JMJD1C: variants seen among roughly 807,000 people sequenced by gnomAD.
JMJD1C encodes the protein jumonji domain-containing protein 1C.
Under a neutral mutation model 245.3 loss-of-function variants are expected in JMJD1C, and 31 were observed. That is an observed-to-expected ratio of 0.13 (90% CI 0.09 to 0.17). The LOEUF (loss-of-function observed/expected upper bound fraction) is 0.17. Ranked by LOEUF, JMJD1C falls within the 10% of genes least tolerant of loss-of-function variation. JMJD1C has a pLI of 1.00. For missense variants in JMJD1C, 2,691 were observed against 3,000.2 expected (o/e 0.90, Z 2.41); for synonymous variants, 1,057 against 1,017.4 (o/e 1.04, Z -0.74).
intron 1 of JMJD1C, among the ~76,000 whole-genome samples, chr10:63,386,484 G>A (rs549929418): frequency 7.9e-5 from 12 of 152,306 alleles, no homozygotes; most frequent in East Asian, 1.9e-4. Flanking sequence ...ACCTGAGGAC[G>A]GGTCTGCTCA....
At chr10:63,521,660 A>C in intron 1 of JMJD1C, 1 of 1,082,432 alleles carries the variant, frequency 9.2e-7, no homozygotes, top group Non-Finnish European at 1.2e-6. Flanking sequence ...AGGAAAGGGA[A>C]GGCCTGGGCC....
Position 63,190,885 on chromosome 10 carries a change from A to C in JMJD1C, c.6291+9T>G. 6.2e-7 allele frequency: 1 copy of C among 1,612,504 alleles called. No homozygotes were observed. The highest frequency in any genetic ancestry group is 8.5e-7 in the Non-Finnish European group (1 of 1,178,540). On this transcript the variant is annotated intron_variant, in intron 17 of 25. Transcript: ENST00000399262. The stretch of plus-strand genomic sequence containing the variant: ...CCCACATTAAAACCAAAAATCTGGC[A>C]TCACTCACTGGGGCTCCCATTGAAT...
intron 1 of JMJD1C, among the ~76,000 whole-genome samples, chr10:63,494,235 C>T (rs149126862): frequency 0.013 from 2,025 of 151,696 alleles, 30 homozygotes; most frequent in African/African-American, 0.034. Flanking sequence ...CACTTGAACC[C>T]GGGAGGCAGA....
At chr10:63,180,231 C>T (rs527993906) in intron 22 of JMJD1C, among the ~76,000 whole-genome samples, 20 of 152,212 alleles carry the variant, frequency 1.3e-4, no homozygotes, top group South Asian at 4.1e-4. Context: ...AGGCTGGTCT[C>T]GAACTCCTGA....
At chr10:63,466,464 T>G (rs1187167989), upstream of JMJD1C, 1 of 152,350 alleles carries the variant, frequency 6.6e-6, no homozygotes, top group Non-Finnish European at 1.5e-5. Flanking sequence ...GAACCAACCG[T>G]TCATGACTTC....
chr10:63,228,533 A>G (rs1261512732), intron 3 of JMJD1C, among the ~76,000 whole-genome samples: 3 of 152,206 alleles, frequency 2.0e-5, no homozygotes, highest in Admixed American at 2.0e-4. Context: ...AAAAAATTAA[A>G]AAGGAAAAGA....
chr10:63,490,413 A>ATTTTT, intron 1 of JMJD1C, among the ~76,000 whole-genome samples: 1 of 123,648 alleles, frequency 8.1e-6, no homozygotes, highest in Non-Finnish European at 1.9e-5. Context: ...ATAATTATTT[A>ATTTTT]TTTATTTTAT....
At chr10:63,243,103 T>TTTTATA (rs374884422) in intron 3 of JMJD1C, among the ~76,000 whole-genome samples, 5 of 120,106 alleles carry the variant, frequency 4.2e-5, no homozygotes, top group African/African-American at 9.2e-5. Flanking sequence ...CTAACATAAA[T>TTTTATA]TATATATATA....
At chr10:63,198,225 GC>G (rs1294752344) in intron 12 of JMJD1C, among the ~76,000 whole-genome samples, 1 of 152,166 alleles carries the variant, frequency 6.6e-6, no homozygotes, top group Non-Finnish European at 1.5e-5. Flanking sequence ...GTCTTTATAA[GC>G]CAAATGCTGA....
rs149899365 is a variant in JMJD1C, at chr10:63,257,093, C to T, written c.447+7558G>A. Among the ~76,000 whole-genome samples, 967 of 151,712 alleles carry T rather than the reference C, an allele frequency of 6.4e-3. 8 individuals are homozygous for T. The highest frequency in any genetic ancestry group is 0.022 in the African/African-American group (913 of 41,376). On this transcript the variant is annotated intron_variant, in intron 3 of 25. Transcript: ENST00000399262. ...TCTACTAAAAACACAAAAAATTAGC[C>T]GGGCGTGGTGGCTCGCACCTGTAGT...
chr10:63,185,783 ATTGAC>A, intron 19 of JMJD1C, 130 bp from the exon 20 acceptor site: 1 of 641,986 alleles, frequency 1.6e-6, no homozygotes, highest in Non-Finnish European at 2.7e-6. Context: ...TTGCTTGCTT[ATTGAC>A]TTATTACTTA....
chr10:63,492,967 A>T (rs947356803), intron 1 of JMJD1C, among the ~76,000 whole-genome samples: 1 of 152,174 alleles, frequency 6.6e-6, no homozygotes, highest in East Asian at 1.9e-4. Flanking sequence ...ACTGTCACAT[A>T]TATCTTCAAG....
intron 1 of JMJD1C, among the ~76,000 whole-genome samples, chr10:63,400,581 G>A (rs1291052950): frequency 2.6e-5 from 4 of 151,996 alleles, no homozygotes; most frequent in South Asian, 2.1e-4. Context: ...CCCCGGCCCC[G>A]AGATGGAGTC....
At chr10:63,305,459 C>CTCTCTCTCTCTCTCTCTCTCT (rs1937978126) in intron 2 of JMJD1C, among the ~76,000 whole-genome samples, 2 of 113,022 alleles carry the variant, frequency 1.8e-5, no homozygotes, top group African/African-American at 3.4e-5. Flanking sequence ...ACGCTCTGAC[C>CTCTCTCTCTCTCTCTCTCTCT]CTCTCTCTCT....
chr10:63,314,340 GC>G (rs1225641580), intron 2 of JMJD1C, among the ~76,000 whole-genome samples: 1 of 152,194 alleles, frequency 6.6e-6, no homozygotes, highest in Non-Finnish European at 1.5e-5. Context: ...CATGCAGATT[GC>G]TTGAGTCCAG....
At chr10:63,443,685 G>A (rs1951526414) in intron 1 of JMJD1C, among the ~76,000 whole-genome samples, 1 of 152,172 alleles carries the variant, frequency 6.6e-6, no homozygotes, top group Non-Finnish European at 1.5e-5. Flanking sequence ...TATGCCACTG[G>A]TAATTTACTC....
chr10:63,427,970 C>T, intron 1 of JMJD1C: 2 of 699,750 alleles, frequency 2.9e-6, no homozygotes, highest in Non-Finnish European at 5.3e-6. Context: ...ATTGCCACCA[C>T]AGCATCCCAG....
In JMJD1C at chr10:63,336,128, A is replaced by G. The variant is rs183348660; in HGVS notation, c.333+44190T>C. Among the ~76,000 whole-genome samples the G allele has an allele frequency of 2.6e-5, 4 of 152,036 alleles. No individual in the cohort carries two copies. In the South Asian group the frequency reaches 8.3e-4, roughly 31 times the overall value. On this transcript the variant is annotated intron_variant, in intron 2 of 25. Transcript: ENST00000399262. The stretch of plus-strand genomic sequence containing the variant: ...AGAGTGAGACCCTGTCTCAAAAAAA[A>G]TAAGAAAAAAAGAAAAAAACCACGT...
At chr10:63,183,606 T>C (rs1270828355) in intron 21 of JMJD1C, 37 bp from the exon 22 acceptor site, 5 of 1,228,814 alleles carry the variant, frequency 4.1e-6, no homozygotes, top group Non-Finnish European at 5.7e-6. Context: ...ACAAAATATT[T>C]ATATATATGT....
Sources: gnomAD v4.1 joint callset for allele counts (sites outside exome capture counted in the v4.1 genomes callset) on GRCh38, gnomAD v4.1.1 for gene constraint, MANE v1.5 for transcripts, NCBI Gene and HGNC (gene_info 2026-07-23, HGNC 2026-07-21) for gene names.